MYH6: variants seen among roughly 807,000 people sequenced by gnomAD.
The protein encoded by MYH6 is myosin-6.
MYH6 carries 126 observed loss-of-function variants against 223.2 expected under a neutral mutation model. The observed-to-expected ratio is 0.56, with a 90% confidence interval of 0.49 to 0.65. The LOEUF is 0.65. Ranked by LOEUF, MYH6 falls within the 30% of genes least tolerant of loss-of-function variation. The pLI is 0.00. For missense variants in MYH6, 2,040 were observed against 2,536.4 expected (o/e 0.80, Z 4.20); for synonymous variants, 978 against 1,010.2 (o/e 0.97, Z 0.61).
At chr14:23,395,623 C>T (rs1037338721) in intron 20 of MYH6, among the ~76,000 whole-genome samples, 3 of 151,948 alleles carry the variant, frequency 2.0e-5, no homozygotes, top group African/African-American at 7.3e-5. Flanking sequence ...GCCTCCCGGG[C>T]TCATGCCATT....
In MYH6 at chr14:23,389,414, C is replaced by T. The variant is rs1595052854; in HGVS notation, c.3957G>A (p.Arg1319=). 6.2e-7 allele frequency: 1 copy of T among 1,614,080 alleles called. No individual in the cohort carries two copies. The change falls in exon 28 of 39, where the codon AGG becomes AGA. Residue 1319 remains arginine, a synonymous_variant. Coordinates refer to ENST00000405093, the MANE Select transcript of MYH6 (RefSeq NM_002471.4). The part of the protein sequence containing the change: ...SYTQQMEDLK[R]QLEEEGKAKN... ...TCACCTTGCCCTCCTCCTCCAGCTG[C>T]CTTTTGAGGTCCTCCATTTGCTGGG...
At chr14:23,388,378 T>A (rs1368859180) in intron 29 of MYH6, 40 bp from the exon 30 acceptor site, 2 of 1,609,410 alleles carry the variant, frequency 1.2e-6, no homozygotes, top group East Asian at 4.5e-5. Flanking sequence ...GTGACTCTAC[T>A]GGGCAACACT....
intron 38 of MYH6, 72 bp downstream of exon 38, chr14:23,382,356 C>T: frequency 1.2e-6 from 2 of 1,605,404 alleles, no homozygotes; most frequent in Non-Finnish European, 1.7e-6. Context: ...GCAGTGCCCA[C>T]TCTGAAGGGC....
At position 23,403,358 on chromosome 14, in the gene MYH6, C is replaced by A; in HGVS notation, c.888G>T (p.Pro296=). The A allele has an allele frequency of 1.2e-6, 2 of 1,613,972 alleles. No individual in the cohort carries two copies. Among genetic ancestry groups the A allele is most frequent in the Admixed American group, 3.3e-5 (2 of 60,020 alleles). ...GGCAGGCAGGTTCACCCAGCAACTC[C>A]GGCTTCTTGTTGGACAGAATCTGGT... ...IFYQILSNKK[P]ELLDMLLVTN... is the part of the protein sequence containing the mutation. The change falls in exon 10 of 39, where the codon CCG becomes CCT. Residue 296 remains proline, a synonymous_variant. Transcript: ENST00000405093.
chr14:23,389,916 G>A (rs1433748499), intron 26 of MYH6, 141 bp downstream of exon 26: 1 of 1,550,832 alleles, frequency 6.4e-7, no homozygotes, highest in Non-Finnish European at 8.8e-7. Flanking sequence ...GAGCCAGAGA[G>A]GGGCAGGGGA....
At chr14:23,396,158 A>C (rs1891387131) in intron 20 of MYH6, 126 bp downstream of exon 20, 1 of 1,169,128 alleles carries the variant, frequency 8.6e-7, no homozygotes, top group African/African-American at 1.5e-5. Flanking sequence ...TGAGATTCGA[A>C]GTGGTAAAGT....
At position 23,398,991 on chromosome 14, in the gene MYH6, T is replaced by C. The variant is rs367663906; in HGVS notation, c.1628A>G (p.Lys543Arg). Residue 543 changes from lysine (K) to arginine (R), a missense_variant, in exon 15 of 39, where the codon AAG (lysine) becomes AGG (arginine). Around this residue, in one of 4 missense-constraint regions of MYH6, gnomAD observed 649 missense variants for 877.3 expected, o/e 0.74. Transcript: ENST00000405093. ...SILEEECMFP[K>R]ATDMTFKAKL... The stretch of plus-strand genomic sequence containing the variant: ...GGCCTTGAAGGTCATGTCAGTGGCC[T>C]TGGGGAACATGCACTCCTCCTCCAG... 4.7e-5 allele frequency: 76 copies of C among 1,613,992 alleles called. No homozygotes were observed. Among genetic ancestry groups the C allele is most frequent in the Non-Finnish European group, 6.4e-5 (75 of 1,180,030 alleles).
At chr14:23,383,822 T>C (rs1890933996) in intron 36 of MYH6, among the ~76,000 whole-genome samples, 1 of 152,180 alleles carries the variant, frequency 6.6e-6, no homozygotes, top group Non-Finnish European at 1.5e-5. Flanking sequence ...TCCTATCTCT[T>C]TATCATTGTA....
intron 3 of MYH6, among the ~76,000 whole-genome samples, chr14:23,406,665 A>T (rs572992170): frequency 2.1e-4 from 32 of 152,156 alleles, no homozygotes; most frequent in Non-Finnish European, 3.8e-4. Context: ...GAGAAAGTGG[A>T]CTCATGGAGG....
At chr14:23,397,940 C>CTTCTTCTTCTTCTTCTTCTTCTTT (rs1891458616) in intron 15 of MYH6, among the ~76,000 whole-genome samples, 7 of 53,192 alleles carry the variant, frequency 1.3e-4, no homozygotes, top group Non-Finnish European at 2.6e-4. Context: ...TCCTCTTCTT[C>CTTCTTCTTCTTCTTCTTCTTCTTT]TTCTTCTTCT....
chr14:23,404,946 C>CA, intron 6 of MYH6, 124 bp from the exon 7 acceptor site: 1 of 1,490,622 alleles, frequency 6.7e-7, no homozygotes, highest in Non-Finnish European at 9.3e-7. Flanking sequence ...ATTTGCCTGA[C>CA]ATGGTTCATT....
At position 23,397,062 on chromosome 14, in the gene MYH6, A is replaced by T. The variant is rs1555334236; in HGVS notation, c.2069T>A (p.Leu690Gln). The change falls in exon 18 of 39, where the codon CTG becomes CAG. Residue 690 changes from leucine to glutamine, a missense_variant. Around this residue, in one of 4 missense-constraint regions of MYH6, gnomAD observed 649 missense variants for 877.3 expected, o/e 0.74. Transcript: ENST00000405093. ...ATTGCAGCGCAGCTGGTGCATGACC[A>T]GGGGGTTGTCCATCACCCCTGTGTC... ...RKAPGVMDNP[L>Q]VMHQLRCNGV... 6.2e-7 allele frequency: 1 copy of T among 1,614,210 alleles called. No homozygotes were observed. Among genetic ancestry groups the T allele is most frequent in the South Asian group, 1.1e-5 (1 of 91,084 alleles).
chr14:23,403,042 T>A (rs1188380930), intron 10 of MYH6, among the ~76,000 whole-genome samples: 2 of 147,998 alleles, frequency 1.4e-5, no homozygotes, highest in Non-Finnish European at 3.0e-5. Flanking sequence ...GGAGGGAGGG[T>A]GGCAGGGGAG....
chr14:23,397,927 T>C (rs1302975141), intron 15 of MYH6, among the ~76,000 whole-genome samples: 1 of 132,452 alleles, frequency 7.5e-6, no homozygotes, highest in African/African-American at 3.2e-5. Flanking sequence ...CTCCTCCTCC[T>C]CCTCCTCTTC....
intron 29 of MYH6, 120 bp downstream of exon 29, chr14:23,388,739 C>T (rs992915839): frequency 1.4e-6 from 2 of 1,431,688 alleles, no homozygotes; most frequent in African/African-American, 2.8e-5. Flanking sequence ...ACTTCTGTTG[C>T]CCTCCGAGTT....
chr14:23,406,950 G>T, intron 3 of MYH6, 73 bp downstream of exon 3: 1 of 1,514,608 alleles, frequency 6.6e-7, no homozygotes. Context: ...AGCTCCCCCT[G>T]CAAGTGGCTC....
At chr14:23,400,643 C>A (rs1891570981) in intron 13 of MYH6, 66 bp downstream of exon 13, 1 of 1,612,860 alleles carries the variant, frequency 6.2e-7, no homozygotes, top group Non-Finnish European at 8.5e-7. Flanking sequence ...TGGCTCTCAG[C>A]AAATGGCTGT....
At position 23,397,043 on chromosome 14, in the gene MYH6, G is replaced by A. The variant is rs145613682; in HGVS notation, c.2088C>T (p.Arg696=). The A allele has an allele frequency of 1.9e-6, 3 of 1,614,202 alleles. No homozygotes were observed. The highest frequency in any genetic ancestry group is 2.5e-6 in the Non-Finnish European group (3 of 1,180,030). The change falls in exon 18 of 39, where the codon CGC becomes CGT. Residue 696 remains arginine (R), a synonymous_variant. Transcript: ENST00000405093. Reference sequence around the variant, plus strand: ...GGATGCCCTCCAGCACGCCATTGCAGCGCAGCTGGTGCATGACCAGGGGGT... The same window carrying A: ...GGATGCCCTCCAGCACGCCATTGCAACGCAGCTGGTGCATGACCAGGGGGT... ...MDNPLVMHQL[R]CNGVLEGIRI...
chr14:23,391,381 C>T (rs1891232490), intron 25 of MYH6, among the ~76,000 whole-genome samples: 1 of 152,204 alleles, frequency 6.6e-6, no homozygotes, highest in African/African-American at 2.4e-5. Flanking sequence ...ATGAGACTAA[C>T]AGGACTGTTA....
Sources: allele counts gnomAD v4.1 joint callset (sites outside exome capture counted in the v4.1 genomes callset), GRCh38; gene constraint gnomAD v4.1.1; regional missense constraint gnomAD v4.1.1; transcripts MANE v1.5; gene names NCBI Gene and HGNC (gene_info 2026-07-23, HGNC 2026-07-21).